MLLT3: variants seen among roughly 807,000 people sequenced by gnomAD.
MLLT3 encodes protein AF-9.
In MLLT3, 4 loss-of-function variants were observed where a neutral mutation model predicts 53.2. The observed-to-expected ratio is 0.08, with a 90% CI of 0.04 to 0.17. The LOEUF (loss-of-function observed/expected upper bound fraction) is 0.17, where lower values mean the gene tolerates loss of function less well. Among genes scored for constraint, MLLT3 ranks in the 10% least tolerant of loss-of-function variants. MLLT3 has a pLI of 1.00. For synonymous variants in MLLT3, 283 were observed against 230.6 expected (o/e 1.23, Z -2.06); for missense variants, 569 against 684.0 (o/e 0.83, Z 1.87).
chr9:20,617,306 T>C (rs1453735521), intron 2 of MLLT3, among the ~76,000 whole-genome samples: 1 of 152,168 alleles, frequency 6.6e-6, no homozygotes, highest in Non-Finnish European at 1.5e-5. Flanking sequence ...ATCAAAACTA[T>C]GCAGTAAAGC....
At chr9:20,517,429 C>T (rs1304467275) in intron 2 of MLLT3, among the ~76,000 whole-genome samples, 1 of 151,370 alleles carries the variant, frequency 6.6e-6, no homozygotes, top group East Asian at 1.9e-4. Flanking sequence ...TTAGGGTCAG[C>T]CTAGTGACAG....
At chr9:20,435,445 G>C (rs1823378077) in intron 4 of MLLT3, among the ~76,000 whole-genome samples, 1 of 152,134 alleles carries the variant, frequency 6.6e-6, no homozygotes, top group Admixed American at 6.5e-5. Flanking sequence ...AGGCTTGATA[G>C]AAAGCAAAAC....
At chr9:20,507,939 G>A (rs1186041317) in intron 2 of MLLT3, among the ~76,000 whole-genome samples, 2 of 151,876 alleles carry the variant, frequency 1.3e-5, no homozygotes, top group African/African-American at 4.8e-5. Flanking sequence ...TTTAAAAAAA[G>A]AATAAAAGCA....
intron 2 of MLLT3, among the ~76,000 whole-genome samples, chr9:20,579,486 A>G (rs1282765403): frequency 6.6e-6 from 1 of 152,170 alleles, no homozygotes; most frequent in Non-Finnish European, 1.5e-5. Context: ...TTCTACAAAG[A>G]GCCCATGAGA....
intron 2 of MLLT3, among the ~76,000 whole-genome samples, chr9:20,521,757 T>G (rs1818066050): frequency 2.0e-5 from 3 of 152,284 alleles, no homozygotes; most frequent in South Asian, 4.1e-4. Context: ...AATCCTGGAT[T>G]TAATGGAGAA....
At chr9:20,615,876 A>G (rs1390244673) in intron 2 of MLLT3, among the ~76,000 whole-genome samples, 18 of 12,014 alleles carry the variant, frequency 1.5e-3, no homozygotes, top group African/African-American at 1.6e-3. Context: ...AGAGATTTGA[A>G]AAAAAAAAAA....
At position 20,415,272 on chromosome 9, in the gene MLLT3, T is replaced by C. The variant is rs2118780703; in HGVS notation, c.421-847A>G. 2.0e-5 allele frequency among the ~76,000 whole-genome samples: 3 copies of C among 152,302 alleles called. No individual in the cohort carries two copies. The South Asian group carries it at 6.2e-4, about 32-fold the overall frequency. The stretch of plus-strand genomic sequence containing the variant: ...GATTTCACCTAACCATCAAATGGAC[T>C]AGAAAGTCTTTAGCAATTACTGTAT... On this transcript the variant is annotated intron_variant, in intron 4 of 10. Transcript: ENST00000380338.
At chr9:20,359,559 C>T (rs1165029840) in intron 8 of MLLT3, among the ~76,000 whole-genome samples, 1 of 152,220 alleles carries the variant, frequency 6.6e-6, no homozygotes, top group African/African-American at 2.4e-5. Flanking sequence ...ATCATTCCTA[C>T]TTAACAAGAA....
chr9:20,568,067 C>T (rs1480552007), intron 2 of MLLT3, among the ~76,000 whole-genome samples: 1 of 152,016 alleles, frequency 6.6e-6, no homozygotes, highest in Non-Finnish European at 1.5e-5. Context: ...GAAATAAGTA[C>T]TCATAAATAA....
At chr9:20,518,505 T>A (rs919753529) in intron 2 of MLLT3, among the ~76,000 whole-genome samples, 1 of 152,160 alleles carries the variant, frequency 6.6e-6, no homozygotes, top group African/African-American at 2.4e-5. Flanking sequence ...CAAAAATAAG[T>A]GGGCAAAATT....
chr9:20,396,160 GT>G (rs397779919), intron 5 of MLLT3, among the ~76,000 whole-genome samples: 45 of 148,866 alleles, frequency 3.0e-4, no homozygotes, highest in South Asian at 2.1e-3. Context: ...TATTTTCAGG[GT>G]TTTTTTTTTA....
At chr9:20,397,766 C>G (rs1822358620) in intron 5 of MLLT3, among the ~76,000 whole-genome samples, 1 of 151,924 alleles carries the variant, frequency 6.6e-6, no homozygotes, top group Non-Finnish European at 1.5e-5. Context: ...TTTTTTTTCT[C>G]TTAATAATCT....
intron 2 of MLLT3, among the ~76,000 whole-genome samples, chr9:20,552,444 T>C (rs1426601563): frequency 6.6e-6 from 1 of 152,142 alleles, no homozygotes; most frequent in Non-Finnish European, 1.5e-5. Context: ...GTGAGCAGAA[T>C]CAGCTCATCA....
intron 3 of MLLT3, among the ~76,000 whole-genome samples, chr9:20,455,458 C>T (rs953654378): frequency 1.3e-5 from 2 of 152,182 alleles, no homozygotes; most frequent in African/African-American, 4.8e-5. Context: ...GAAGGACTAG[C>T]AAATATGCAG....
chr9:20,580,780 G>A (rs1267304289), intron 2 of MLLT3, among the ~76,000 whole-genome samples: 1 of 152,182 alleles, frequency 6.6e-6, no homozygotes, highest in Non-Finnish European at 1.5e-5. Context: ...AATATTTACT[G>A]TATTAGACGT....
rs1386508791 is a variant in MLLT3 at position 20,613,859 on chromosome 9, AC to A, written c.193+6794del. 2.0e-5 allele frequency among the ~76,000 whole-genome samples: 3 copies of A among 152,128 alleles called. No homozygotes were observed. The East Asian group carries it at 5.8e-4, about 29-fold the overall frequency. On this transcript the variant is annotated intron_variant, in intron 2 of 10. Coordinates refer to ENST00000380338, the MANE Select transcript of MLLT3 (RefSeq NM_004529.4). ...ATATAACAAAATTTTAACTCTGTAT[AC>A]CTTTTGACTCCACAACCTCCCTTCT...
intron 4 of MLLT3, among the ~76,000 whole-genome samples, chr9:20,429,175 C>G (rs993989904): frequency 6.6e-6 from 1 of 152,056 alleles, no homozygotes; most frequent in Non-Finnish European, 1.5e-5. Flanking sequence ...CAAGACCAGC[C>G]TGGGCAATAT....
chr9:20,615,371 A>C (rs1227500214), intron 2 of MLLT3, among the ~76,000 whole-genome samples: 5 of 146,646 alleles, frequency 3.4e-5, no homozygotes, highest in Non-Finnish European at 7.5e-5. Flanking sequence ...AAAAAAAAAA[A>C]AAAAAAAAAA....
chr9:20,588,625 A>G (rs1820042759), intron 2 of MLLT3, among the ~76,000 whole-genome samples: 1 of 152,202 alleles, frequency 6.6e-6, no homozygotes, highest in Non-Finnish European at 1.5e-5. Context: ...GAGTTCACTC[A>G]TGATTTGCCT....
Sources: gnomAD v4.1 joint callset for allele counts (sites outside exome capture counted in the v4.1 genomes callset) on GRCh38, gnomAD v4.1.1 for gene constraint, MANE v1.5 for transcripts, NCBI Gene and HGNC (gene_info 2026-07-23, HGNC 2026-07-21) for gene names.